Variants in PSD3 observed in about 807,000 individuals in gnomAD.
PSD3 encodes PH and SEC7 domain-containing protein 3.
Under a neutral mutation model 105.5 loss-of-function variants are expected in PSD3, and 49 were observed. That is an observed-to-expected ratio of 0.46 (90% CI 0.37 to 0.59). The LOEUF is 0.59. Among genes scored for constraint, PSD3 ranks in the 20% least tolerant of loss-of-function variants. PSD3 has a pLI of 0.00. For synonymous variants in PSD3, 557 were observed against 457.8 expected (o/e 1.22, Z -2.77); for missense variants, 1,561 against 1,263.8 (o/e 1.24, Z -3.57).
intron 9 of PSD3, chr8:18,733,269 C>G (rs1170529127): frequency 1.3e-5 from 2 of 152,078 alleles, no homozygotes; most frequent in African/African-American, 4.8e-5. Context: ...ATGAGAGGTT[C>G]TACTTTTTAG....
chr8:18,900,328 T>A (rs1156586679), intron 2 of PSD3, among the ~76,000 whole-genome samples: 2 of 152,300 alleles, frequency 1.3e-5, no homozygotes, highest in Middle Eastern at 3.4e-3. Context: ...ACATTTTCAA[T>A]ATAAAAAAGT....
intron 1 of PSD3, among the ~76,000 whole-genome samples, chr8:19,050,351 C>G (rs535472947): frequency 6.6e-6 from 1 of 152,212 alleles, no homozygotes; most frequent in South Asian, 2.1e-4. Context: ...TTAGAAAATA[C>G]AGAAAAATCA....
intron 9 of PSD3, among the ~76,000 whole-genome samples, chr8:18,667,611 T>G (rs1326811648): frequency 1.3e-5 from 2 of 152,214 alleles, no homozygotes; most frequent in Non-Finnish European, 2.9e-5. Flanking sequence ...GGAGCCCAGC[T>G]GGCTTCACCC....
At chr8:18,848,767 A>C (rs1051510973) in intron 4 of PSD3, among the ~76,000 whole-genome samples, 6 of 152,188 alleles carry the variant, frequency 3.9e-5, no homozygotes, top group African/African-American at 1.4e-4. Context: ...ATGACCAGTA[A>C]ACTCACCCTA....
chr8:18,628,389 A>C (rs751670830), intron 11 of PSD3, among the ~76,000 whole-genome samples: 9 of 148,224 alleles, frequency 6.1e-5, no homozygotes, highest in Non-Finnish European at 1.0e-4. Context: ...ATGATAGGAG[A>C]CTTTTTTTGT....
intron 8 of PSD3, among the ~76,000 whole-genome samples, chr8:18,767,060 A>C (rs1239900418): frequency 6.6e-6 from 1 of 152,190 alleles, no homozygotes; most frequent in Non-Finnish European, 1.5e-5. Flanking sequence ...AAAAGAACAA[A>C]GGCAGTCACA....
At chr8:18,580,391 A>G (rs1371005115) in intron 12 of PSD3, among the ~76,000 whole-genome samples, 1 of 152,056 alleles carries the variant, frequency 6.6e-6, no homozygotes, top group Non-Finnish European at 1.5e-5. Flanking sequence ...GCGACCCAGT[A>G]AACTTTTACA....
At chr8:18,950,846 A>C (rs944769270) in intron 1 of PSD3, among the ~76,000 whole-genome samples, 5 of 152,102 alleles carry the variant, frequency 3.3e-5, no homozygotes, top group Non-Finnish European at 7.3e-5. Flanking sequence ...CACACACGCA[A>C]GTGATCCAAG....
intron 11 of PSD3, among the ~76,000 whole-genome samples, chr8:18,615,947 C>T (rs1467696683): frequency 6.6e-6 from 1 of 152,276 alleles, no homozygotes; most frequent in Non-Finnish European, 1.5e-5. Flanking sequence ...CGGGCAAAAA[C>T]AGCTGAAGGT....
At chr8:18,775,008 C>T (rs932486041) in intron 8 of PSD3, 3 of 455,520 alleles carry the variant, frequency 6.6e-6, no homozygotes, top group Middle Eastern at 3.2e-4. Context: ...TCTAAATCCC[C>T]TGTGCCCCTC....
At chr8:18,705,964 T>C (rs1801872163) in intron 9 of PSD3, among the ~76,000 whole-genome samples, 1 of 152,242 alleles carries the variant, frequency 6.6e-6, no homozygotes, top group African/African-American at 2.4e-5. Context: ...GAAAGCTTCC[T>C]ACTCCATTGA....
intron 1 of PSD3, among the ~76,000 whole-genome samples, chr8:18,965,434 G>A (rs1439497531): frequency 1.3e-5 from 2 of 152,188 alleles, no homozygotes; most frequent in African/African-American, 4.8e-5. Flanking sequence ...GTAAGGCCTT[G>A]TTCTCTCATC....
intron 1 of PSD3, among the ~76,000 whole-genome samples, chr8:18,998,524 A>G (rs1826203133): frequency 6.6e-6 from 1 of 151,864 alleles, no homozygotes; most frequent in East Asian, 1.9e-4. Flanking sequence ...CGTCTCTACT[A>G]AAAATACGAA....
intron 4 of PSD3, among the ~76,000 whole-genome samples, chr8:18,817,800 T>C (rs1380547562): frequency 6.6e-6 from 1 of 152,190 alleles, no homozygotes; most frequent in Non-Finnish European, 1.5e-5. Flanking sequence ...TTATCCCTTA[T>C]TGTTGCCAAA....
chr8:18,862,688 A>G (rs1320664753), intron 4 of PSD3, among the ~76,000 whole-genome samples: 1 of 151,674 alleles, frequency 6.6e-6, no homozygotes. Flanking sequence ...ATATTTATAT[A>G]TTATATTAAA....
intron 9 of PSD3, among the ~76,000 whole-genome samples, chr8:18,726,493 C>T (rs1397035239): frequency 6.6e-6 from 1 of 152,164 alleles, no homozygotes; most frequent in Non-Finnish European, 1.5e-5. Flanking sequence ...ATATCAAACC[C>T]TAAATATAGA....
intron 9 of PSD3, among the ~76,000 whole-genome samples, chr8:18,719,166 C>T (rs1034267804): frequency 6.6e-6 from 1 of 152,150 alleles, no homozygotes; most frequent in Non-Finnish European, 1.5e-5. Flanking sequence ...GGCCAATAAA[C>T]GAGTGTCTAG....
At chr8:18,765,421 C>G (rs1806898279) in intron 9 of PSD3, 28 bp downstream of exon 9, 1 of 1,539,056 alleles carries the variant, frequency 6.5e-7, no homozygotes, top group Non-Finnish European at 9.0e-7. Flanking sequence ...TACAAGCATA[C>G]ACTAAAAACC....
intron 8 of PSD3, among the ~76,000 whole-genome samples, chr8:18,795,950 T>A (rs1810138845): frequency 6.6e-6 from 1 of 152,208 alleles, no homozygotes; most frequent in Non-Finnish European, 1.5e-5. Context: ...GAGAAATGTA[T>A]CTGTATGTGT....
Sources: gnomAD v4.1 joint callset for allele counts (sites outside exome capture counted in the v4.1 genomes callset) on GRCh38, gnomAD v4.1.1 for gene constraint, MANE v1.5 for transcripts, NCBI Gene and HGNC (gene_info 2026-07-23, HGNC 2026-07-21) for gene names.